Variants in PAPPA2 observed in about 807,000 individuals in gnomAD.
PAPPA2 encodes pappalysin-2.
In PAPPA2, 86 loss-of-function variants were observed where a neutral mutation model predicts 176.4. The observed-to-expected ratio is 0.49, with a 90% CI of 0.41 to 0.58. The LOEUF is 0.58. Ranked by LOEUF, PAPPA2 falls within the 20% of genes least tolerant of loss-of-function variation. The probability of loss-of-function intolerance (pLI) is 0.00; values close to 1 mark genes in which losing one functional copy is unlikely to be tolerated. For synonymous variants in PAPPA2, 809 were observed against 852.2 expected, an observed-to-expected ratio of 0.95 and a Z score of 0.88; for missense variants, 2,073 against 2,256.9, an observed-to-expected ratio of 0.92 and a Z score of 1.65.
chr1:176,638,871 A>G (rs1236980520), intron 3 of PAPPA2, among the ~76,000 whole-genome samples: 2 of 150,846 alleles, frequency 1.3e-5, no homozygotes, highest in Admixed American at 6.6e-5. Context: ...GGAACATCCA[A>G]TCTCTCTGGC....
At chr1:176,541,146 T>C (rs1558424991) in intron 1 of PAPPA2, among the ~76,000 whole-genome samples, 1 of 152,218 alleles carries the variant, frequency 6.6e-6, no homozygotes, top group Non-Finnish European at 1.5e-5. Flanking sequence ...CTTGATAGAA[T>C]GTGCTCTATA....
chr1:176,780,861 A>G (rs1664679360), intron 17 of PAPPA2, among the ~76,000 whole-genome samples: 1 of 152,168 alleles, frequency 6.6e-6, no homozygotes, highest in Non-Finnish European at 1.5e-5. Context: ...ATTTTGGTGT[A>G]ATTTCCAGTT....
chr1:176,759,628 G>T (rs1663597672), intron 14 of PAPPA2, among the ~76,000 whole-genome samples: 1 of 152,110 alleles, frequency 6.6e-6, no homozygotes, highest in Admixed American at 6.6e-5. Flanking sequence ...ACAGGACTTT[G>T]CCTGTTTGCT....
At chr1:176,770,794 T>C (rs1342568933) in intron 16 of PAPPA2, among the ~76,000 whole-genome samples, 173 bp from the exon 17 acceptor site, 2 of 152,214 alleles carry the variant, frequency 1.3e-5, no homozygotes, top group Non-Finnish European at 2.9e-5. Flanking sequence ...GCTCTGTAAG[T>C]AAAAAGATGT....
chr1:176,473,343 C>T (rs1041858182), intron 1 of PAPPA2, among the ~76,000 whole-genome samples: 6 of 152,130 alleles, frequency 3.9e-5, no homozygotes, highest in African/African-American at 1.4e-4. Flanking sequence ...AAGTTTCTTT[C>T]ATGTCTTTTA....
intron 4 of PAPPA2, among the ~76,000 whole-genome samples, chr1:176,688,717 C>T (rs1359317092): frequency 3.9e-5 from 6 of 152,052 alleles, no homozygotes; most frequent in African/African-American, 1.4e-4. Flanking sequence ...TTCGAGTAAA[C>T]TGGGAGACTG....
intron 1 of PAPPA2, among the ~76,000 whole-genome samples, chr1:176,552,482 G>A (rs978105988): frequency 7.1e-5 from 10 of 141,336 alleles, no homozygotes; most frequent in Non-Finnish European, 1.2e-4. Flanking sequence ...CTCTCTCCTC[G>A]CTTTCCTCTT....
chr1:176,645,954 A>G (rs975746114), intron 3 of PAPPA2, among the ~76,000 whole-genome samples: 3 of 151,448 alleles, frequency 2.0e-5, no homozygotes, highest in African/African-American at 2.4e-5. Context: ...TTATTTTACT[A>G]TTGAGGTTTT....
In PAPPA2 at chr1:176,706,212, C is replaced by T. The variant is rs148807638; in HGVS notation, c.3366-147C>T. On this transcript the variant is annotated intron_variant, in intron 9 of 22. Coordinates refer to ENST00000367662, the MANE Select transcript of PAPPA2 (RefSeq NM_020318.3). The stretch of plus-strand genomic sequence containing the variant: ...ATATCCATATGTTTGTTTCTATTTT[C>T]TGTAAAAGCATTCTTCTAGCTCCTA... 9.6e-4 allele frequency: 596 copies of T among 622,336 alleles called. 2 individuals are homozygous for T. The highest frequency in any genetic ancestry group is 7.6e-3 in the African/African-American group (412 of 54,072). The allele number at this position is 622,336 out of a possible 1,614,324, so 38.6% of individuals were successfully genotyped here.
intron 3 of PAPPA2, among the ~76,000 whole-genome samples, chr1:176,637,471 A>G (rs1225360235): frequency 5.9e-5 from 9 of 152,124 alleles, no homozygotes; most frequent in Non-Finnish European, 1.3e-4. Context: ...TCTCATCTAT[A>G]ACAATGCACA....
chr1:176,700,922 T>C (rs1388338428), intron 8 of PAPPA2, among the ~76,000 whole-genome samples: 1 of 152,064 alleles, frequency 6.6e-6, no homozygotes, highest in Non-Finnish European at 1.5e-5. Flanking sequence ...AACTAGAAGA[T>C]AGTGAAATGA....
At chr1:176,660,588 T>A (rs981376467) in intron 3 of PAPPA2, among the ~76,000 whole-genome samples, 8 of 152,072 alleles carry the variant, frequency 5.3e-5, no homozygotes, top group Non-Finnish European at 1.0e-4. Context: ...AGTCCCAGGA[T>A]TTAGTGTGAG....
In PAPPA2 at chr1:176,730,752, G is replaced by A. The variant is rs149507608; in HGVS notation, c.3799-8874G>A. Among the ~76,000 whole-genome samples, 127 of 151,848 alleles carry A rather than the reference G, an allele frequency of 8.4e-4. 2 individuals carry two copies. In the East Asian group the frequency reaches 0.022, roughly 27 times the overall value. On this transcript the variant is annotated intron_variant, in intron 12 of 22. Transcript: ENST00000367662. ...GGTGTTCCATAATTTTCCCCTCTAA[G>A]TACTACTTTAATTGTGCCCCATAAA...
intron 3 of PAPPA2, among the ~76,000 whole-genome samples, chr1:176,627,146 C>G (rs1656074376): frequency 6.6e-6 from 1 of 152,090 alleles, no homozygotes; most frequent in Non-Finnish European, 1.5e-5. Context: ...CTTGAGGCAT[C>G]TAGCTACCAA....
chr1:176,485,981 T>C (rs1652628565), intron 1 of PAPPA2, among the ~76,000 whole-genome samples: 1 of 152,152 alleles, frequency 6.6e-6, no homozygotes. Flanking sequence ...GGGTGATAAA[T>C]TGTGGGAAAA....
intron 7 of PAPPA2, among the ~76,000 whole-genome samples, chr1:176,697,169 A>G (rs1224213179): frequency 6.6e-6 from 1 of 152,152 alleles, no homozygotes; most frequent in Non-Finnish European, 1.5e-5. Context: ...AGGAATTAGA[A>G]GTTCTACGTT....
At chr1:176,533,428 C>T (rs1374920853) in intron 1 of PAPPA2, among the ~76,000 whole-genome samples, 1 of 152,250 alleles carries the variant, frequency 6.6e-6, no homozygotes, top group East Asian at 1.9e-4. Flanking sequence ...TAGTGCTGGA[C>T]AACTGAAAGG....
chr1:176,625,586 A>C (rs1371856736), intron 3 of PAPPA2, among the ~76,000 whole-genome samples: 1 of 152,240 alleles, frequency 6.6e-6, no homozygotes, highest in African/African-American at 2.4e-5. Flanking sequence ...GATGCAATAC[A>C]TAATTGTCTG....
chr1:176,626,794 C>T (rs935277654), intron 3 of PAPPA2, among the ~76,000 whole-genome samples: 1 of 151,912 alleles, frequency 6.6e-6, no homozygotes, highest in Non-Finnish European at 1.5e-5. Flanking sequence ...TGAGAAATCT[C>T]ACTACCTTTT....
Sources: gnomAD v4.1 joint callset for allele counts (sites outside exome capture counted in the v4.1 genomes callset) on GRCh38, gnomAD v4.1.1 for gene constraint, MANE v1.5 for transcripts, NCBI Gene and HGNC (gene_info 2026-07-23, HGNC 2026-07-21) for gene names.